PTPRD: variants seen among roughly 807,000 people sequenced by gnomAD.
PTPRD encodes receptor-type tyrosine-protein phosphatase delta.
In PTPRD, 34 loss-of-function variants were observed where a neutral mutation model predicts 214.5. That is an observed-to-expected ratio of 0.16 (90% confidence interval 0.12 to 0.21). The LOEUF is 0.21. Among genes scored for constraint, PTPRD ranks in the 10% least tolerant of loss-of-function variants. The pLI is 1.00. For missense variants in PTPRD, 2,545 were observed against 2,398.7 expected (o/e 1.06, Z -1.27); for synonymous variants, 1,128 against 845.7 (o/e 1.33, Z -5.79).
chr9:8,781,570 GAA>G lies in PTPRD; in HGVS notation c.-103-47626_-103-47625del, dbSNP rs1199638968. On this transcript the variant is annotated intron_variant, in intron 11 of 45. Coordinates refer to ENST00000381196, the MANE Select transcript of PTPRD (RefSeq NM_002839.4). ...GCATTATCCAAAGCACTAAAATAAA[GAA>G]AGAGTCAAACTCTATCATTTTCTAA... 1.3e-5 allele frequency among the ~76,000 whole-genome samples: 2 copies of G among 152,084 alleles called. 1 individual carries two copies. Among genetic ancestry groups the G allele is most frequent in the Admixed American group, 1.3e-4 (2 of 15,270 alleles).
intron 10 of PTPRD, among the ~76,000 whole-genome samples, chr9:9,033,472 C>T (rs2099612038): frequency 6.6e-6 from 1 of 152,102 alleles, no homozygotes; most frequent in South Asian, 2.1e-4. Flanking sequence ...ATCAGAAGAA[C>T]ATCCAACCGC....
chr9:9,778,738 T>C (rs1343415655), intron 5 of PTPRD, among the ~76,000 whole-genome samples: 1 of 151,952 alleles, frequency 6.6e-6, no homozygotes, highest in African/African-American at 2.4e-5. Flanking sequence ...GATCCCCAAA[T>C]ACAGCTGGAA....
intron 4 of PTPRD, among the ~76,000 whole-genome samples, chr9:9,945,879 C>A (rs538411307): frequency 6.6e-6 from 1 of 151,958 alleles, no homozygotes; most frequent in Non-Finnish European, 1.5e-5. Flanking sequence ...CAAATCTATA[C>A]GTACCTGAAA....
rs1005316275 is a variant in PTPRD, at chr9:8,997,155, T to C, written c.-104+21542A>G. Among the ~76,000 whole-genome samples, 5 of 152,246 alleles carry C rather than the reference T, an allele frequency of 3.3e-5. No homozygotes were observed. In the South Asian group the frequency reaches 8.3e-4, roughly 25 times the overall value. On this transcript the variant is annotated intron_variant, in intron 11 of 45. Coordinates refer to ENST00000381196, the MANE Select transcript of PTPRD (RefSeq NM_002839.4). Reference sequence around the variant, plus strand: ...CAAACTGTGACTAGCAAATATTTTTTCTATTTGAACATTTAAGCTATCTTT... The same window carrying C: ...CAAACTGTGACTAGCAAATATTTTTCCTATTTGAACATTTAAGCTATCTTT...
intron 39 of PTPRD, among the ~76,000 whole-genome samples, chr9:8,345,492 T>C (rs10758958): frequency 0.49 from 74,316 of 151,858 alleles, 21,247 homozygotes; most frequent in Non-Finnish European, 0.65. Flanking sequence ...CTATCCCTAA[T>C]GCAGGTTCCT....
chr9:8,529,780 G>C (rs1238055660), intron 14 of PTPRD, among the ~76,000 whole-genome samples: 1 of 152,114 alleles, frequency 6.6e-6, no homozygotes, highest in African/African-American at 2.4e-5. Context: ...ATGGCCATTT[G>C]TTTGAAGATC....
chr9:10,088,633 G>T (rs538406010), intron 3 of PTPRD, among the ~76,000 whole-genome samples: 1 of 151,778 alleles, frequency 6.6e-6, no homozygotes, highest in South Asian at 2.1e-4. Context: ...TGCAATGTGG[G>T]GGCAGTAGTC....
intron 5 of PTPRD, among the ~76,000 whole-genome samples, chr9:9,806,923 A>G (rs1019878641): frequency 1.3e-5 from 2 of 152,120 alleles, no homozygotes; most frequent in African/African-American, 4.8e-5. Flanking sequence ...AAGTGCTGGC[A>G]GGCCACTGAG....
chr9:9,664,799 G>A (rs186552768), intron 7 of PTPRD, among the ~76,000 whole-genome samples: 98 of 151,700 alleles, frequency 6.5e-4, no homozygotes, highest in Admixed American at 1.2e-3. Context: ...TACCTTTGTT[G>A]TATGTTAATG....
chr9:8,681,711 C>G (rs2097553248), intron 12 of PTPRD, among the ~76,000 whole-genome samples: 1 of 152,188 alleles, frequency 6.6e-6, no homozygotes, highest in Admixed American at 6.5e-5. Flanking sequence ...TACCCCACTG[C>G]AAACATTCTT....
intron 11 of PTPRD, among the ~76,000 whole-genome samples, chr9:8,874,988 A>G (rs951027322): frequency 6.6e-6 from 1 of 152,192 alleles, no homozygotes; most frequent in Non-Finnish European, 1.5e-5. Context: ...GGCATAGAAG[A>G]GAAGTCAAAA....
At chr9:10,506,148 C>T (rs539122615) in intron 2 of PTPRD, among the ~76,000 whole-genome samples, 1 of 151,994 alleles carries the variant, frequency 6.6e-6, no homozygotes. Context: ...CTCTATGAAT[C>T]CAGAAGAACA....
At chr9:9,496,034 C>T (rs1055965393) in intron 8 of PTPRD, among the ~76,000 whole-genome samples, 5 of 152,160 alleles carry the variant, frequency 3.3e-5, no homozygotes, top group Non-Finnish European at 7.3e-5. Flanking sequence ...TGCTCACTCA[C>T]ATGCTCCCTC....
chr9:9,295,210 C>T (rs1952589322), intron 9 of PTPRD, among the ~76,000 whole-genome samples: 1 of 151,614 alleles, frequency 6.6e-6, no homozygotes, highest in Admixed American at 6.6e-5. Flanking sequence ...GTAAAAGTTA[C>T]CCTTATTCTA....
At chr9:8,333,573 A>G (rs1223151121) in intron 43 of PTPRD, among the ~76,000 whole-genome samples, 2 of 152,210 alleles carry the variant, frequency 1.3e-5, no homozygotes, top group Non-Finnish European at 1.5e-5. Context: ...ATGGAAAGGA[A>G]CAACTGGTAC....
intron 7 of PTPRD, among the ~76,000 whole-genome samples, chr9:9,696,278 G>A (rs149211123): frequency 2.6e-5 from 4 of 152,282 alleles, no homozygotes; most frequent in African/African-American, 9.6e-5. Flanking sequence ...GTATTCTGCA[G>A]CAATTGGATG....
rs530214656 is a variant in PTPRD at position 8,810,745 on chromosome 9, T to C, written c.-103-76799A>G. ...TGGAGCCTGAGAAAAGGACTTGCAG[T>C]AGTTTTCTTCAGAACTAACTCTAAT... On this transcript the variant is annotated intron_variant, in intron 11 of 45. Coordinates refer to ENST00000381196, the MANE Select transcript of PTPRD (RefSeq NM_002839.4). Among the ~76,000 whole-genome samples the C allele has an allele frequency of 2.0e-3, 297 of 152,276 alleles. 2 individuals are homozygous for C. The highest frequency in any genetic ancestry group is 6.8e-3 in the Middle Eastern group (2 of 294).
chr9:8,859,806 G>GC (rs1555444953), intron 11 of PTPRD: 9 of 151,006 alleles, frequency 6.0e-5, no homozygotes, highest in Admixed American at 1.3e-4. Flanking sequence ...CAGCAATTTG[G>GC]GGGTGGGGGA....
At chr9:9,482,665 G>A (rs1456953295) in intron 8 of PTPRD, among the ~76,000 whole-genome samples, 2 of 152,138 alleles carry the variant, frequency 1.3e-5, no homozygotes, top group African/African-American at 4.8e-5. Context: ...TCCGTAGATG[G>A]CAGTGGTTCT....
Sources: gnomAD v4.1 joint callset for allele counts (sites outside exome capture counted in the v4.1 genomes callset) on GRCh38, gnomAD v4.1.1 for gene constraint, MANE v1.5 for transcripts, NCBI Gene and HGNC (gene_info 2026-07-23, HGNC 2026-07-21) for gene names.